SYNDIG1: variants seen among roughly 807,000 people sequenced by gnomAD.
The protein encoded by SYNDIG1 is synapse differentiation inducing 1.
In SYNDIG1, 9 loss-of-function variants were observed where a neutral mutation model predicts 19.4. The ratio of observed to expected loss-of-function variants is 0.46; its 90% CI spans 0.28 to 0.81. The LOEUF is 0.81. SYNDIG1 is among the 30% of genes least tolerant of loss of function. SYNDIG1 has a pLI of 0.12. For synonymous variants in SYNDIG1, 141 were observed against 145.9 expected, an observed-to-expected ratio of 0.97 and a Z score of 0.24; for missense variants, 311 against 343.3, an observed-to-expected ratio of 0.91 and a Z score of 0.74.
intron 3 of SYNDIG1, among the ~76,000 whole-genome samples, chr20:24,623,979 C>G (rs911402884): frequency 6.6e-6 from 1 of 152,110 alleles, no homozygotes; most frequent in Non-Finnish European, 1.5e-5. Context: ...TGAGACCCAA[C>G]TGGCTGGGTG....
At chr20:24,556,991 G>A (rs1370629150) in intron 2 of SYNDIG1, among the ~76,000 whole-genome samples, 2 of 152,280 alleles carry the variant, frequency 1.3e-5, no homozygotes, top group Non-Finnish European at 2.9e-5. Flanking sequence ...ATTTCTTGGA[G>A]GTGTTGTTCA....
intron 3 of SYNDIG1, among the ~76,000 whole-genome samples, chr20:24,617,129 T>C (rs1247073558): frequency 6.6e-6 from 1 of 152,252 alleles, no homozygotes; most frequent in East Asian, 1.9e-4. Context: ...GTGTGATAGG[T>C]GGGCCGAGAA....
chr20:24,501,440 A>G (rs1216967361), intron 1 of SYNDIG1, among the ~76,000 whole-genome samples: 1 of 152,172 alleles, frequency 6.6e-6, no homozygotes, highest in African/African-American at 2.4e-5. Context: ...GATATCGTTG[A>G]TCACCCTTCA....
In SYNDIG1 at chr20:24,543,169, TTTAA is replaced by T; in HGVS notation, c.77_80del (p.Ile26ThrfsTer5). 1 of 1,613,710 alleles carries T rather than the reference TTTAA, an allele frequency of 6.2e-7. No individual in the cohort carries two copies. Among genetic ancestry groups the T allele is most frequent in the Non-Finnish European group, 8.5e-7 (1 of 1,179,926 alleles). On this transcript the variant is annotated frameshift_variant, in exon 2 of 4. Coordinates refer to ENST00000376862, the MANE Select transcript of SYNDIG1 (RefSeq NM_024893.3). LOFTEE classifies it high-confidence loss of function. ...TCAGTGATGCTGGCAAGAGGAATGG[TTTAA>T]TTAACACCAGAAACTTGATGGCCGA...
In SYNDIG1 at chr20:24,483,402, C is replaced by A. The variant is rs976627836; in HGVS notation, c.-79+13649C>A. ...TTACTGTTTTGATTAGGAAAAAAAACCCAAAAGTTTAGAAATTGTTTTGCT... is the reference window on the plus strand; with the variant it reads ...TTACTGTTTTGATTAGGAAAAAAAAACCAAAAGTTTAGAAATTGTTTTGCT... On this transcript the variant is annotated intron_variant, in intron 1 of 3. Transcript: ENST00000376862. Among the ~76,000 whole-genome samples, 17 of 152,278 alleles carry A rather than the reference C, an allele frequency of 1.1e-4. 1 individual carries two copies. The East Asian group carries it at 3.1e-3, about 28-fold the overall frequency.
intron 3 of SYNDIG1, among the ~76,000 whole-genome samples, chr20:24,585,716 C>T (rs1346648074): frequency 2.6e-5 from 4 of 152,210 alleles, no homozygotes; most frequent in African/African-American, 7.2e-5. Context: ...CAGAGAAAGA[C>T]ATTTCTACTT....
At chr20:24,520,898 G>A (rs1420272985) in intron 1 of SYNDIG1, among the ~76,000 whole-genome samples, 3 of 152,018 alleles carry the variant, frequency 2.0e-5, no homozygotes, top group Non-Finnish European at 4.4e-5. Context: ...GCACATTGCT[G>A]TGCAGCCATC....
In SYNDIG1 at chr20:24,624,038, G is replaced by A. The variant is rs189061391; in HGVS notation, c.618+39045G>A. Among the ~76,000 whole-genome samples, 84 of 152,210 alleles carry A rather than the reference G, an allele frequency of 5.5e-4. 1 individual carries two copies. The highest frequency in any genetic ancestry group is 3.4e-3 in the Middle Eastern group (1 of 294). On this transcript the variant is annotated intron_variant, in intron 3 of 3. Transcript: ENST00000376862. ...AGCACTTTGGGAGGCCAAGGCCGAC[G>A]AATCACGAAGTCAGGAGATCAAGAC...
intron 2 of SYNDIG1, among the ~76,000 whole-genome samples, chr20:24,567,618 A>C (rs2058071774): frequency 6.6e-6 from 1 of 152,186 alleles, no homozygotes; most frequent in Non-Finnish European, 1.5e-5. Flanking sequence ...CATCCCTGCA[A>C]GTCTTAGCTT....
intron 3 of SYNDIG1, among the ~76,000 whole-genome samples, chr20:24,586,911 G>A (rs1372589863): frequency 6.6e-6 from 1 of 152,226 alleles, no homozygotes; most frequent in East Asian, 1.9e-4. Flanking sequence ...GGTATGGACA[G>A]CGTCTCTATC....
chr20:24,482,751 C>T (rs1312856807), intron 1 of SYNDIG1, among the ~76,000 whole-genome samples: 3 of 152,168 alleles, frequency 2.0e-5, no homozygotes, highest in Admixed American at 6.5e-5. Context: ...TGTCCATTGG[C>T]CAGGGCTGTG....
intron 3 of SYNDIG1, 63 bp downstream of exon 3, chr20:24,585,056 G>GCGCCCCC: frequency 1.8e-6 from 1 of 545,664 alleles, no homozygotes; most frequent in Non-Finnish European, 3.4e-6. Context: ...GGTGGGGGCG[G>GCGCCCCC]CAATCCCAGC....
intron 2 of SYNDIG1, among the ~76,000 whole-genome samples, chr20:24,562,969 T>TA (rs2057974849): frequency 6.6e-6 from 1 of 152,210 alleles, no homozygotes; most frequent in African/African-American, 2.4e-5. Flanking sequence ...AAGAGGCCCA[T>TA]AATTCATGAA....
At chr20:24,569,564 T>G (rs1459020348) in intron 2 of SYNDIG1, among the ~76,000 whole-genome samples, 1 of 152,198 alleles carries the variant, frequency 6.6e-6, no homozygotes, top group Non-Finnish European at 1.5e-5. Context: ...ACTCCAAATC[T>G]CATGCTTTTT....
At chr20:24,520,049 T>G (rs918710618) in intron 1 of SYNDIG1, among the ~76,000 whole-genome samples, 8 of 152,150 alleles carry the variant, frequency 5.3e-5, no homozygotes, top group Non-Finnish European at 1.2e-4. Flanking sequence ...TTTCATTTGT[T>G]CCTATTTCTG....
intron 1 of SYNDIG1, among the ~76,000 whole-genome samples, chr20:24,478,776 G>T (rs1314366981): frequency 2.0e-5 from 3 of 152,214 alleles, no homozygotes; most frequent in Non-Finnish European, 1.5e-5. Flanking sequence ...CCTAGGCCAG[G>T]CCAGGAGTCA....
chr20:24,601,987 G>GT (rs11333825), intron 3 of SYNDIG1, among the ~76,000 whole-genome samples: 248 of 145,874 alleles, frequency 1.7e-3, no homozygotes, highest in East Asian at 3.6e-3. Context: ...TTATAATATT[G>GT]TTTTTTTTTT....
At chr20:24,624,216 A>T (rs2059084592) in intron 3 of SYNDIG1, among the ~76,000 whole-genome samples, 1 of 148,324 alleles carries the variant, frequency 6.7e-6, no homozygotes, top group African/African-American at 2.5e-5. Flanking sequence ...AGATCCTGCC[A>T]CTGCAATCCA....
intron 1 of SYNDIG1, among the ~76,000 whole-genome samples, chr20:24,485,051 G>A (rs374605137): frequency 2.7e-4 from 41 of 151,966 alleles, no homozygotes; most frequent in Non-Finnish European, 4.1e-4. Flanking sequence ...CTTTCCCTGC[G>A]TTTACACTTC....
Sources: allele counts gnomAD v4.1 joint callset (sites outside exome capture counted in the v4.1 genomes callset), GRCh38; gene constraint gnomAD v4.1.1; transcripts MANE v1.5; gene names NCBI Gene and HGNC (gene_info 2026-07-23, HGNC 2026-07-21).